MAP4K5: variants seen among roughly 807,000 people sequenced by gnomAD.
MAP4K5 encodes MAPK/ERK kinase kinase kinase 5.
Under a neutral mutation model 135.6 loss-of-function variants are expected in MAP4K5, and 82 were observed. The ratio of observed to expected loss-of-function variants is 0.60; its 90% confidence interval spans 0.51 to 0.73. The LOEUF (loss-of-function observed/expected upper bound fraction) is 0.73, where lower values mean the gene tolerates loss of function less well. MAP4K5 is among the 30% of genes least tolerant of loss of function. The probability of loss-of-function intolerance (pLI) is 0.00; values close to 1 mark genes in which losing one functional copy is unlikely to be tolerated. For synonymous variants in MAP4K5, 347 were observed against 335.0 expected (o/e 1.04, Z -0.39); for missense variants, 907 against 1,010.9 (o/e 0.90, Z 1.39).
chr14:50,518,128 G>C (rs2038072243), intron 2 of MAP4K5, among the ~76,000 whole-genome samples: 1 of 152,070 alleles, frequency 6.6e-6, no homozygotes, highest in Non-Finnish European at 1.5e-5. Context: ...CCAAAAAAAA[G>C]ACCAACTACT....
At chr14:50,433,728 G>C (rs931687940) in intron 28 of MAP4K5, among the ~76,000 whole-genome samples, 1 of 152,182 alleles carries the variant, frequency 6.6e-6, no homozygotes, top group African/African-American at 2.4e-5. Flanking sequence ...ACTAAAGCTT[G>C]CTTGGCATAT....
At chr14:50,450,143 T>C (rs2036450084) in intron 14 of MAP4K5, 1 of 152,032 alleles carries the variant, frequency 6.6e-6, no homozygotes, top group African/African-American at 2.4e-5. Context: ...GGTTTCACCA[T>C]CTCATGAGGT....
chr14:50,560,032 GTGTGACGCTGGTATC>G, intron 1 of MAP4K5: 1 of 588,802 alleles, frequency 1.7e-6, no homozygotes, highest in Non-Finnish European at 3.1e-6. Flanking sequence ...GGTAGGGAGG[GTGTGACGCTGGTATC>G]TGTGTGAACT....
intron 3 of MAP4K5, among the ~76,000 whole-genome samples, chr14:50,502,697 G>A (rs1215024016): frequency 2.6e-5 from 4 of 152,012 alleles, no homozygotes; most frequent in Non-Finnish European, 4.4e-5. Context: ...AAAAGTTTTG[G>A]TAATCAAAAC....
chr14:50,480,733 G>A (rs1056431231), intron 6 of MAP4K5, among the ~76,000 whole-genome samples: 4 of 152,090 alleles, frequency 2.6e-5, no homozygotes, highest in Non-Finnish European at 5.9e-5. Flanking sequence ...GAGGGTACTT[G>A]CATAAACATG....
chr14:50,504,804 C>T lies in MAP4K5; in HGVS notation c.162G>A (p.Glu54=). The T allele has an allele frequency of 6.4e-7, 1 of 1,555,090 alleles. No homozygotes were observed. Among genetic ancestry groups the T allele is most frequent in the Non-Finnish European group, 8.7e-7 (1 of 1,148,798 alleles). Residue 54 remains glutamate, a synonymous_variant, in exon 3 of 33, where the codon GAG becomes GAA. Coordinates refer to ENST00000682126, the MANE Select transcript of MAP4K5 (RefSeq NM_006575.6). ...ELAAVKIIKL[E]PGDDFSLIQQ... ...CTTGAGGGTTTTAACACATACCAGG[C>T]TCCAATTTAATGATTTTTACTGCAG... is the stretch of plus-strand genomic sequence containing the variant.
intron 14 of MAP4K5, chr14:50,450,625 C>T (rs185249795): frequency 1.3e-5 from 2 of 152,308 alleles, no homozygotes; most frequent in East Asian, 3.9e-4. Context: ...TTTCTTAAGT[C>T]TTTGGCTGAA....
intron 22 of MAP4K5, 143 bp from the exon 23 acceptor site, chr14:50,440,216 T>C: frequency 2.5e-6 from 2 of 785,502 alleles, no homozygotes; most frequent in Non-Finnish European, 3.9e-6. Flanking sequence ...TCTTTCAACA[T>C]GAACATGCAA....
chr14:50,437,599 C>A, intron 25 of MAP4K5, 65 bp from the exon 26 acceptor site: 1 of 1,091,620 alleles, frequency 9.2e-7, no homozygotes, highest in East Asian at 2.5e-5. Context: ...ATTTGTAAAT[C>A]AGTTGCATCA....
chr14:50,511,065 A>G (rs936309211), intron 2 of MAP4K5, among the ~76,000 whole-genome samples: 3 of 152,250 alleles, frequency 2.0e-5, no homozygotes, highest in African/African-American at 7.2e-5. Flanking sequence ...GATGTCCTCC[A>G]ATAGGTGAAT....
chr14:50,429,290 A>G, intron 28 of MAP4K5, 30 bp from the exon 29 acceptor site: 2 of 1,373,180 alleles, frequency 1.5e-6, no homozygotes, highest in South Asian at 1.3e-5. Flanking sequence ...GGTTACAATT[A>G]TACTTTTAAA....
chr14:50,421,656 C>G (rs2035735764), intron 32 of MAP4K5, among the ~76,000 whole-genome samples: 1 of 151,638 alleles, frequency 6.6e-6, no homozygotes, highest in South Asian at 2.1e-4. Context: ...AAGAGACAAG[C>G]AGAGCAAGGC....
chr14:50,468,813 G>C (rs1291558092), intron 9 of MAP4K5, 31 bp from the exon 10 acceptor site: 1 of 1,579,380 alleles, frequency 6.3e-7, no homozygotes, highest in Non-Finnish European at 8.6e-7. Context: ...CAACATTTTT[G>C]TTGTTAAATA....
intron 26 of MAP4K5, among the ~76,000 whole-genome samples, chr14:50,435,289 C>T (rs933473397): frequency 2.0e-5 from 3 of 152,118 alleles, no homozygotes; most frequent in African/African-American, 4.8e-5. Context: ...AACATAAGAA[C>T]TTTTGACAAG....
chr14:50,454,994 A>C (rs1218088877), intron 14 of MAP4K5, among the ~76,000 whole-genome samples: 1 of 152,032 alleles, frequency 6.6e-6, no homozygotes, highest in Non-Finnish European at 1.5e-5. Context: ...ACTGGCACAA[A>C]AACAGACATG....
At chr14:50,521,736 A>G (rs995994125) in intron 2 of MAP4K5, among the ~76,000 whole-genome samples, 5 of 152,212 alleles carry the variant, frequency 3.3e-5, no homozygotes, top group Non-Finnish European at 7.4e-5. Flanking sequence ...GGCTTCCCAC[A>G]TCATCATCTC....
At chr14:50,499,219 A>C (rs904927455) in intron 3 of MAP4K5, among the ~76,000 whole-genome samples, 1 of 152,168 alleles carries the variant, frequency 6.6e-6, no homozygotes, top group African/African-American at 2.4e-5. Flanking sequence ...ACTCTCAGGG[A>C]TATGAAAGGG....
chr14:50,521,155 G>C (rs2038142999), intron 2 of MAP4K5, among the ~76,000 whole-genome samples: 1 of 152,118 alleles, frequency 6.6e-6, no homozygotes, highest in South Asian at 2.1e-4. Context: ...AATCAAGCCT[G>C]GGCTCTGAAT....
intron 13 of MAP4K5, among the ~76,000 whole-genome samples, chr14:50,458,049 C>T (rs914128047): frequency 1.6e-4 from 24 of 152,156 alleles, no homozygotes; most frequent in African/African-American, 3.6e-4. Context: ...ATCTGAGCTC[C>T]GACTTTGCCC....
Sources: allele counts gnomAD v4.1 joint callset (sites outside exome capture counted in the v4.1 genomes callset), GRCh38; gene constraint gnomAD v4.1.1; transcripts MANE v1.5; gene names NCBI Gene and HGNC (gene_info 2026-07-23, HGNC 2026-07-21).